SPATA22: variants seen among roughly 807,000 people sequenced by gnomAD.
SPATA22 encodes the protein spermatogenesis associated 22.
SPATA22 carries 29 observed loss-of-function variants against 47.8 expected under a neutral mutation model. The ratio of observed to expected loss-of-function variants is 0.61; its 90% CI spans 0.45 to 0.83. The LOEUF (loss-of-function observed/expected upper bound fraction) is 0.83, where lower values mean the gene tolerates loss of function less well. Among genes scored for constraint, SPATA22 ranks in the 40% least tolerant of loss-of-function variants. SPATA22 has a pLI of 0.00. For missense variants in SPATA22, 410 were observed against 421.7 expected, an observed-to-expected ratio of 0.97 and a Z score of 0.24; for synonymous variants, 133 against 140.9, an observed-to-expected ratio of 0.94 and a Z score of 0.40.
chr17:3,497,478 A>G (rs1299821089), intron 1 of SPATA22, among the ~76,000 whole-genome samples: 2 of 152,238 alleles, frequency 1.3e-5, no homozygotes, highest in African/African-American at 2.4e-5. Context: ...GTCAGAACTC[A>G]TAGAACTGCA....
intron 1 of SPATA22, among the ~76,000 whole-genome samples, chr17:3,495,002 T>C (rs1030668510): frequency 6.6e-6 from 1 of 152,046 alleles, no homozygotes; most frequent in Non-Finnish European, 1.5e-5. Context: ...GACTGGAACC[T>C]CTTTCTTCTG....
intron 8 of SPATA22, among the ~76,000 whole-genome samples, chr17:3,442,625 A>C (rs968383597): frequency 6.6e-6 from 1 of 151,860 alleles, no homozygotes; most frequent in Admixed American, 6.6e-5. Flanking sequence ...CTAACTCTTC[A>C]CTTTGGTAAT....
At chr17:3,509,251 A>G (rs1403590192) in intron 1 of SPATA22, among the ~76,000 whole-genome samples, 1 of 151,316 alleles carries the variant, frequency 6.6e-6, no homozygotes, top group African/African-American at 2.4e-5. Context: ...GGTTTGTTAC[A>G]TAGGTATACG....
At chr17:3,505,978 G>A (rs1232306660) in intron 1 of SPATA22, among the ~76,000 whole-genome samples, 12 of 152,106 alleles carry the variant, frequency 7.9e-5, no homozygotes, top group African/African-American at 2.9e-4. Context: ...GGCTGGTCTC[G>A]AACTCCTGAC....
At chr17:3,478,390 A>T (rs1458661399) in intron 1 of SPATA22, among the ~76,000 whole-genome samples, 1 of 152,214 alleles carries the variant, frequency 6.6e-6, no homozygotes, top group Admixed American at 6.5e-5. Context: ...TACTGCAGTC[A>T]TCCTGTTTGT....
chr17:3,467,687 ACC>A, intron 2 of SPATA22, 133 bp from the exon 3 acceptor site: 2 of 655,626 alleles, frequency 3.1e-6, no homozygotes, highest in Non-Finnish European at 4.4e-6. Context: ...GATTTCTATA[ACC>A]TTAGAATGAT....
chr17:3,465,895 C>G (rs1039962364), intron 3 of SPATA22, among the ~76,000 whole-genome samples: 1 of 152,010 alleles, frequency 6.6e-6, no homozygotes, highest in Non-Finnish European at 1.5e-5. Flanking sequence ...TGAAGTACTT[C>G]AGGAGGACAC....
chr17:3,446,660 G>A (rs1271634542), intron 6 of SPATA22, 59 bp from the exon 7 acceptor site: 20 of 1,296,490 alleles, frequency 1.5e-5, no homozygotes, highest in Non-Finnish European at 1.7e-5. Context: ...CATCATACTC[G>A]TTTACCTTCT....
intron 8 of SPATA22, 41 bp downstream of exon 8, chr17:3,443,133 G>A: frequency 3.7e-6 from 5 of 1,356,294 alleles, no homozygotes; most frequent in Non-Finnish European, 5.2e-6. Flanking sequence ...TTTATATTCT[G>A]TTGACATAGG....
chr17:3,476,493 A>T, upstream of SPATA22: 1 of 1,079,618 alleles, frequency 9.3e-7, no homozygotes, highest in Non-Finnish European at 1.4e-6. Context: ...ATGATAATTC[A>T]TGTCCGTACA....
chr17:3,483,397 T>G, intron 1 of SPATA22: 1 of 969,090 alleles, frequency 1.0e-6, no homozygotes, highest in South Asian at 1.3e-5. Flanking sequence ...CCAATCTTAG[T>G]TGATGAAGTA....
At chr17:3,447,176 A>G (rs1280024864) in intron 6 of SPATA22, among the ~76,000 whole-genome samples, 1 of 152,156 alleles carries the variant, frequency 6.6e-6, no homozygotes, top group Non-Finnish European at 1.5e-5. Context: ...GGTAAATGGA[A>G]AGAGAGAGAG....
At chr17:3,513,306 G>T (rs2074138334) in intron 1 of SPATA22, 1 of 152,578 alleles carries the variant, frequency 6.6e-6, no homozygotes, top group African/African-American at 2.4e-5. Context: ...TGAACCTTGG[G>T]GTGTCAGGGG....
chr17:3,463,167 A>G lies in SPATA22; in HGVS notation c.173-400T>C, dbSNP rs534453708. 1.7e-4 allele frequency among the ~76,000 whole-genome samples: 26 copies of G among 152,340 alleles called. 1 individual carries two copies. In the South Asian group the frequency reaches 5.2e-3, roughly 30 times the overall value. ...GAGACAGAGATAGAGAGGAGAAAAA[A>G]GAATATAAAACTTCATCAAATCTTA... On this transcript the variant is annotated intron_variant, in intron 3 of 8. Transcript: ENST00000572969.
chr17:3,473,080 C>G (rs1402113115), upstream of SPATA22, among the ~76,000 whole-genome samples: 1 of 149,920 alleles, frequency 6.7e-6, no homozygotes, highest in Non-Finnish European at 1.5e-5. Context: ...ACAACACACA[C>G]CCACCCACCC....
At chr17:3,445,496 A>T (rs1053455527) in intron 7 of SPATA22, among the ~76,000 whole-genome samples, 1 of 152,136 alleles carries the variant, frequency 6.6e-6, no homozygotes, top group African/African-American at 2.4e-5. Flanking sequence ...TGATTTTAGC[A>T]CTGTGATACC....
At chr17:3,466,346 A>G (rs1300218829) in intron 3 of SPATA22, among the ~76,000 whole-genome samples, 1 of 152,052 alleles carries the variant, frequency 6.6e-6, no homozygotes, top group Admixed American at 6.6e-5. Context: ...TCCAGAGGAA[A>G]GTAAAAAGTC....
intron 7 of SPATA22, among the ~76,000 whole-genome samples, chr17:3,444,828 T>C (rs536084610): frequency 1.3e-5 from 2 of 152,186 alleles, no homozygotes; most frequent in South Asian, 4.1e-4. Context: ...CACTAAAGTG[T>C]AGTAAAATGA....
intron 1 of SPATA22, among the ~76,000 whole-genome samples, chr17:3,470,515 CGA>C (rs2073404171): frequency 6.6e-6 from 1 of 151,790 alleles, no homozygotes; most frequent in South Asian, 2.1e-4. Flanking sequence ...TTTGGGAGGC[CGA>C]GACGGGCGGA....
Sources: allele counts gnomAD v4.1 joint callset (sites outside exome capture counted in the v4.1 genomes callset), GRCh38; gene constraint gnomAD v4.1.1; transcripts MANE v1.5; gene names NCBI Gene and HGNC (gene_info 2026-07-23, HGNC 2026-07-21).